Variants in HPSE2 observed in about 807,000 individuals in gnomAD.
HPSE2 encodes the protein inactive heparanase-2.
In HPSE2, 38 loss-of-function variants were observed where a neutral mutation model predicts 60.5. That is an observed-to-expected ratio of 0.63 (90% CI 0.48 to 0.82). The LOEUF (loss-of-function observed/expected upper bound fraction) is 0.82. Ranked by LOEUF, HPSE2 falls within the 40% of genes least tolerant of loss-of-function variation. The pLI, the probability that HPSE2 is intolerant of heterozygous loss-of-function variation, is 0.00. For synonymous variants in HPSE2, 295 were observed against 293.2 expected (o/e 1.01, Z -0.06); for missense variants, 713 against 740.4 (o/e 0.96, Z 0.43).
chr10:99,303,759 G>A, the HPSE2 span, among the ~76,000 whole-genome samples: 2 of 152,046 alleles, frequency 1.3e-5, no homozygotes, highest in Admixed American at 1.3e-4. Flanking sequence ...TGATGCTGTG[G>A]GTAGGAAAAG....
chr10:99,029,404 C>G (rs572630742), intron 3 of HPSE2, among the ~76,000 whole-genome samples: 2 of 152,320 alleles, frequency 1.3e-5, no homozygotes, highest in South Asian at 2.1e-4. Context: ...GAAAAGCCAG[C>G]TGGGCCCGGG....
chr10:99,128,972 G>A (rs984274901), intron 3 of HPSE2, among the ~76,000 whole-genome samples: 9 of 151,806 alleles, frequency 5.9e-5, no homozygotes, highest in Admixed American at 3.9e-4. Context: ...CCATGCAAAC[G>A]GACACCAAAA....
intron 3 of HPSE2, among the ~76,000 whole-genome samples, chr10:98,943,996 A>T (rs892487411): frequency 6.6e-6 from 1 of 152,304 alleles, no homozygotes; most frequent in South Asian, 2.1e-4. Flanking sequence ...AGAAATAGAT[A>T]TCTAATAAAA....
At chr10:98,459,783 AG>A in intron 11 of HPSE2, 44 bp from the exon 12 acceptor site, 1 of 1,569,696 alleles carries the variant, frequency 6.4e-7, no homozygotes. Context: ...TTGCATTATA[AG>A]GGAGCCACTG....
intron 3 of HPSE2, among the ~76,000 whole-genome samples, chr10:98,993,435 GC>G (rs1956572972): frequency 6.6e-6 from 1 of 152,186 alleles, no homozygotes; most frequent in Non-Finnish European, 1.5e-5. Context: ...CCCTGTCACA[GC>G]CTAGTTTCCC....
intron 3 of HPSE2, among the ~76,000 whole-genome samples, chr10:99,002,934 C>G (rs543247150): frequency 2.0e-4 from 30 of 152,104 alleles, no homozygotes; most frequent in African/African-American, 7.0e-4. Flanking sequence ...TTATTACCTA[C>G]AGTTAACCAT....
At position 98,834,752 on chromosome 10, in the gene HPSE2, A is replaced by G. The variant is rs181305696; in HGVS notation, c.611-90696T>C. On this transcript the variant is annotated intron_variant, in intron 3 of 11. Transcript: ENST00000370552. ...CAGGTTTTCTTCATATACTTCAAAT[A>G]AAAGAACACAATGCAACAGATTGAA... Among the ~76,000 whole-genome samples the G allele has an allele frequency of 1.7e-4, 26 of 152,296 alleles. No individual in the cohort carries two copies. The East Asian group carries it at 3.7e-3, about 21-fold the overall frequency.
intron 2 of HPSE2, among the ~76,000 whole-genome samples, chr10:99,184,811 TATATATATAGAGAG>T (rs1262869631): frequency 4.8e-4 from 18 of 37,880 alleles, no homozygotes; most frequent in African/African-American, 9.5e-4. Flanking sequence ...TATATATATA[TATATATATAGAGAG>T]AGAGAGAGAG....
intron 3 of HPSE2, among the ~76,000 whole-genome samples, chr10:98,994,967 AT>A (rs1956610346): frequency 6.6e-6 from 1 of 152,200 alleles, no homozygotes; most frequent in Non-Finnish European, 1.5e-5. Flanking sequence ...TAGTGGGTCT[AT>A]GGTTTCTCAT....
chr10:98,993,256 C>T lies in HPSE2; in HGVS notation c.610+150982G>A, dbSNP rs956156297. Among the ~76,000 whole-genome samples, 5 of 152,312 alleles carry T rather than the reference C, an allele frequency of 3.3e-5. No homozygotes were observed. The South Asian group carries it at 1.0e-3, about 32-fold the overall frequency. The stretch of plus-strand genomic sequence containing the variant: ...AGGCCTTAAAAAATGAAGAGGGCTA[C>T]GGCATCTGAGCCAGAGAGAACTGCA... On this transcript the variant is annotated intron_variant, in intron 3 of 11. Coordinates refer to ENST00000370552, the MANE Select transcript of HPSE2 (RefSeq NM_021828.5).
intron 3 of HPSE2, among the ~76,000 whole-genome samples, chr10:98,991,859 A>G (rs765305097): frequency 6.6e-6 from 1 of 152,178 alleles, no homozygotes; most frequent in African/African-American, 2.4e-5. Context: ...ATGCTCCACC[A>G]ACATAAAACT....
the HPSE2 span, among the ~76,000 whole-genome samples, chr10:99,307,619 G>C: frequency 6.6e-6 from 1 of 152,116 alleles, no homozygotes; most frequent in Non-Finnish European, 1.5e-5. Context: ...TGATCCTTAT[G>C]GTTATAGAGG....
chr10:98,492,507 A>G (rs1053870578), intron 9 of HPSE2, among the ~76,000 whole-genome samples: 2 of 130,464 alleles, frequency 1.5e-5, no homozygotes, highest in Admixed American at 8.1e-5. Context: ...GTCTCAAAAA[A>G]GACAAAAAAA....
intron 9 of HPSE2, among the ~76,000 whole-genome samples, chr10:98,603,515 C>T (rs994933330): frequency 6.6e-6 from 1 of 150,624 alleles, no homozygotes; most frequent in South Asian, 2.1e-4. Context: ...GTGCAACCTC[C>T]GCCTCCCAGG....
rs565555185 is a variant in HPSE2, at chr10:99,181,064, T to C, written c.449-36665A>G. ...ATACCATTTAACCCAGCAATTCTAA[T>C]ACTGGATATATACCCAAAGGATTAT... On this transcript the variant is annotated intron_variant, in intron 2 of 11. Coordinates refer to ENST00000370552, the MANE Select transcript of HPSE2 (RefSeq NM_021828.5). Among the ~76,000 whole-genome samples, 33 of 152,202 alleles carry C rather than the reference T, an allele frequency of 2.2e-4. 2 individuals are homozygous for C. The South Asian group carries it at 6.6e-3, about 31-fold the overall frequency.
rs566484260 is a variant in HPSE2 at position 99,206,049 on chromosome 10, T to C, written c.448+26299A>G. Among the ~76,000 whole-genome samples, 8 of 152,310 alleles carry C rather than the reference T, an allele frequency of 5.3e-5. No homozygotes were observed. The East Asian group carries it at 1.5e-3, about 29-fold the overall frequency. ...GAAGCCAAGAAAAGTAATGACATTA[T>C]AAGAAAAAGTTCAATTGCTTGATAC... On this transcript the variant is annotated intron_variant, in intron 2 of 11. Coordinates refer to ENST00000370552, the MANE Select transcript of HPSE2 (RefSeq NM_021828.5).
At chr10:99,232,735 G>T (rs1428077870) in intron 1 of HPSE2, among the ~76,000 whole-genome samples, 1 of 152,236 alleles carries the variant, frequency 6.6e-6, no homozygotes, top group Non-Finnish European at 1.5e-5. Context: ...GACGCCCGCA[G>T]CGGCCCCCTC....
In HPSE2 at chr10:98,495,414, A is replaced by G. The variant is rs143383458; in HGVS notation, c.1321-5218T>C. ...TTGAGCTTCTTGGATGTTTATGTGC[A>G]TGTTCTTTATCAAATTTGAGACGTT... On this transcript the variant is annotated intron_variant, in intron 9 of 11. Transcript: ENST00000370552. 2.6e-3 allele frequency among the ~76,000 whole-genome samples: 388 copies of G among 152,096 alleles called. 2 individuals are homozygous for G. Among genetic ancestry groups the G allele is most frequent in the African/African-American group, 8.8e-3 (367 of 41,522 alleles).
At chr10:98,556,410 T>C (rs1944009067) in intron 9 of HPSE2, among the ~76,000 whole-genome samples, 1 of 152,226 alleles carries the variant, frequency 6.6e-6, no homozygotes, top group African/African-American at 2.4e-5. Context: ...CTGACACTAT[T>C]ATTGTGTATG....
Sources: allele counts gnomAD v4.1 joint callset (sites outside exome capture counted in the v4.1 genomes callset), GRCh38; gene constraint gnomAD v4.1.1; transcripts MANE v1.5; gene names NCBI Gene and HGNC (gene_info 2026-07-23, HGNC 2026-07-21).